The following ALCAM variants were observed in gnomAD, a reference collection of about 807,000 sequenced individuals.
ALCAM encodes the protein CD166 antigen.
In ALCAM, 30 loss-of-function variants were observed where a neutral mutation model predicts 70.9. The ratio of observed to expected loss-of-function variants is 0.42; its 90% CI spans 0.32 to 0.57. ALCAM has a LOEUF of 0.57. ALCAM is among the 20% of genes least tolerant of loss of function. ALCAM has a pLI of 0.11. For synonymous variants in ALCAM, 249 were observed against 242.5 expected (o/e 1.03, Z -0.25); for missense variants, 591 against 695.1 (o/e 0.85, Z 1.68).
At chr3:105,557,908 G>T (rs1432450222) in intron 14 of ALCAM, among the ~76,000 whole-genome samples, 1 of 152,064 alleles carries the variant, frequency 6.6e-6, no homozygotes, top group Non-Finnish European at 1.5e-5. Flanking sequence ...TTATAAAATT[G>T]TAAGTTGTAG....
At chr3:105,556,606 A>G (rs1940523043) in intron 14 of ALCAM, among the ~76,000 whole-genome samples, 1 of 152,140 alleles carries the variant, frequency 6.6e-6, no homozygotes, top group Non-Finnish European at 1.5e-5. Flanking sequence ...ACTTGCCTAC[A>G]ACACTGAAAC....
intron 1 of ALCAM, among the ~76,000 whole-genome samples, chr3:105,387,487 A>T (rs370509571): frequency 6.6e-6 from 1 of 151,678 alleles, no homozygotes; most frequent in Non-Finnish European, 1.5e-5. Flanking sequence ...ACATACCTAC[A>T]TTGTTAAATA....
intron 14 of ALCAM, among the ~76,000 whole-genome samples, chr3:105,563,985 C>T (rs1244917533): frequency 1.3e-5 from 2 of 152,058 alleles, no homozygotes; most frequent in Non-Finnish European, 2.9e-5. Context: ...CCGCGCCCGG[C>T]CCATTTCTTA....
intron 1 of ALCAM, among the ~76,000 whole-genome samples, chr3:105,484,095 G>T (rs571258265): frequency 6.6e-6 from 1 of 151,852 alleles, no homozygotes; most frequent in East Asian, 1.9e-4. Context: ...AAAGGAAAGC[G>T]TTCTTGGTCA....
At chr3:105,505,840 T>G (rs923201062) in intron 1 of ALCAM, among the ~76,000 whole-genome samples, 1 of 152,160 alleles carries the variant, frequency 6.6e-6, no homozygotes, top group African/African-American at 2.4e-5. Flanking sequence ...TTCAGATATA[T>G]TTAATTTTTT....
chr3:105,539,845 A>T, intron 6 of ALCAM, 130 bp from the exon 7 acceptor site: 1 of 841,162 alleles, frequency 1.2e-6, no homozygotes, highest in Non-Finnish European at 1.7e-6. Context: ...TTCTATAAAA[A>T]GGTATATTTA....
rs77910456 is a variant in ALCAM, at chr3:105,427,118, C to A, written c.73+59637C>A. Among the ~76,000 whole-genome samples the A allele has an allele frequency of 2.1e-3, 322 of 151,866 alleles. 3 individuals carry two copies. Among genetic ancestry groups the A allele is most frequent in the African/African-American group, 7.4e-3 (308 of 41,434 alleles). The stretch of plus-strand genomic sequence containing the variant: ...CTTACCCTTTTCAAAGAAGTATCTT[C>A]GGTTCTTAGAAATCCCATGCCCAGG... On this transcript the variant is annotated intron_variant, in intron 1 of 15. Transcript: ENST00000306107.
At chr3:105,474,676 T>C (rs934409385) in intron 1 of ALCAM, among the ~76,000 whole-genome samples, 2 of 151,776 alleles carry the variant, frequency 1.3e-5, no homozygotes, top group Admixed American at 1.3e-4. Flanking sequence ...CTCTTTTTTT[T>C]ACGTATGAAA....
At chr3:105,461,388 A>G (rs1937603394) in intron 1 of ALCAM, among the ~76,000 whole-genome samples, 1 of 151,922 alleles carries the variant, frequency 6.6e-6, no homozygotes, top group African/African-American at 2.4e-5. Context: ...ACAGGATACT[A>G]GTTTGAGACC....
intron 1 of ALCAM, among the ~76,000 whole-genome samples, chr3:105,454,919 A>G (rs1937514885): frequency 6.6e-6 from 1 of 151,368 alleles, no homozygotes; most frequent in Non-Finnish European, 1.5e-5. Context: ...ACCTCAAGTG[A>G]TATGCTGGCC....
intron 1 of ALCAM, among the ~76,000 whole-genome samples, chr3:105,396,328 T>A (rs1935950197): frequency 6.6e-6 from 1 of 151,900 alleles, no homozygotes; most frequent in African/African-American, 2.4e-5. Flanking sequence ...GGAGGTATGA[T>A]CTTCCTGAGA....
At chr3:105,522,232 T>G (rs1163851678) in intron 2 of ALCAM, among the ~76,000 whole-genome samples, 1 of 152,190 alleles carries the variant, frequency 6.6e-6, no homozygotes, top group Non-Finnish European at 1.5e-5. Flanking sequence ...AGCAAAAGTC[T>G]TCAGCAATAA....
chr3:105,548,532 A>C (rs970473568), intron 11 of ALCAM, among the ~76,000 whole-genome samples: 17 of 151,444 alleles, frequency 1.1e-4, no homozygotes, highest in Non-Finnish European at 3.0e-5. Context: ...AAGTTGGGCC[A>C]CTGTCCCAGC....
chr3:105,429,990 G>T (rs1936887687), intron 1 of ALCAM, among the ~76,000 whole-genome samples: 1 of 151,836 alleles, frequency 6.6e-6, no homozygotes, highest in African/African-American at 2.4e-5. Flanking sequence ...AAACAAAAAG[G>T]TTGTTTATAA....
At chr3:105,402,378 G>T (rs559687909) in intron 1 of ALCAM, among the ~76,000 whole-genome samples, 1 of 152,236 alleles carries the variant, frequency 6.6e-6, no homozygotes, top group South Asian at 2.1e-4. Flanking sequence ...AAAGCAGAGA[G>T]AATCCACAGA....
intron 1 of ALCAM, among the ~76,000 whole-genome samples, chr3:105,477,084 C>T (rs1404025785): frequency 3.3e-5 from 5 of 152,056 alleles, no homozygotes; most frequent in Non-Finnish European, 7.4e-5. Flanking sequence ...CCTCCCCAGC[C>T]ATGTGGAACT....
At chr3:105,380,732 C>T (rs1248301640) in intron 1 of ALCAM, among the ~76,000 whole-genome samples, 1 of 151,712 alleles carries the variant, frequency 6.6e-6, no homozygotes, top group African/African-American at 2.4e-5. Context: ...AAAATTATAT[C>T]AGTAAATGAA....
At chr3:105,394,329 A>T (rs1030544796) in intron 1 of ALCAM, among the ~76,000 whole-genome samples, 5 of 151,980 alleles carry the variant, frequency 3.3e-5, no homozygotes, top group Non-Finnish European at 7.4e-5. Context: ...CGGAAGGGAC[A>T]TGCGAGGGAT....
intron 3 of ALCAM, chr3:105,524,757 T>C: frequency 8.0e-7 from 1 of 1,245,914 alleles, no homozygotes; most frequent in Non-Finnish European, 1.0e-6. Flanking sequence ...TGTAAAAATG[T>C]CGTGAGCTAT....
Sources: allele counts gnomAD v4.1 joint callset (sites outside exome capture counted in the v4.1 genomes callset), GRCh38; gene constraint gnomAD v4.1.1; transcripts MANE v1.5; gene names NCBI Gene and HGNC (gene_info 2026-07-23, HGNC 2026-07-21).